The following RPS6KA2 variants were observed in gnomAD, a reference collection of about 807,000 sequenced individuals.
RPS6KA2 encodes the protein ribosomal protein S6 kinase A2, also known as ribosomal protein S6 kinase alpha-2.
RPS6KA2 carries 42 observed loss-of-function variants against 91.8 expected under a neutral mutation model. That is an observed-to-expected ratio of 0.46 (90% CI 0.36 to 0.59). RPS6KA2 has a LOEUF of 0.59. RPS6KA2 is among the 20% of genes least tolerant of loss of function. RPS6KA2 has a pLI of 0.00. For synonymous variants in RPS6KA2, 414 were observed against 393.6 expected, an observed-to-expected ratio of 1.05 and a Z score of -0.61; for missense variants, 798 against 978.5, an observed-to-expected ratio of 0.82 and a Z score of 2.46.
At chr6:166,854,583 G>T (rs955933488) in intron 2 of RPS6KA2, among the ~76,000 whole-genome samples, 3 of 152,190 alleles carry the variant, frequency 2.0e-5, no homozygotes, top group Admixed American at 2.0e-4. Context: ...TGACTTGAAT[G>T]ATTTTTTTCC....
chr6:166,819,102 C>T (rs529264093), intron 2 of RPS6KA2, among the ~76,000 whole-genome samples: 1 of 152,244 alleles, frequency 6.6e-6, no homozygotes, highest in African/African-American at 2.4e-5. Flanking sequence ...AAGCCCACAA[C>T]ATCATTTGAA....
rs1247714802 is a variant in RPS6KA2 at position 166,533,409 on chromosome 6, A to C, written c.217-2096T>G. Among the ~76,000 whole-genome samples, 2 of 152,262 alleles carry C rather than the reference A, an allele frequency of 1.3e-5. No homozygotes were observed. The highest frequency in any genetic ancestry group is 4.8e-5 in the African/African-American group (2 of 41,466). ...GGTGCCGGAGAGGCCGCACTGGCAG[A>C]GAGGAACCTGGGTCCCAAAAAAGTC... On this transcript the variant is annotated intron_variant, in intron 2 of 20. Transcript: ENST00000265678. The surrounding 1 kb of genome is among the most constrained non-coding windows in gnomAD (Gnocchi z 4.0).
intron 1 of RPS6KA2, among the ~76,000 whole-genome samples, chr6:166,616,590 A>AC (rs1196896294): frequency 1.3e-5 from 2 of 152,062 alleles, no homozygotes; most frequent in Non-Finnish European, 1.5e-5. Flanking sequence ...AACATGCAGA[A>AC]CCCCCGACCC....
At position 166,441,772 on chromosome 6, in the gene RPS6KA2, A is replaced by G. The variant is rs1779525418; in HGVS notation, c.1332+6952T>C. Among the ~76,000 whole-genome samples the G allele has an allele frequency of 2.0e-5, 3 of 152,376 alleles. No individual in the cohort carries two copies. In the East Asian group the frequency reaches 5.8e-4, roughly 29 times the overall value. On this transcript the variant is annotated intron_variant, in intron 14 of 20. Coordinates refer to ENST00000265678, the MANE Select transcript of RPS6KA2 (RefSeq NM_021135.6). ...GCTGTGATCCACAGGAGCCGGGGCT[A>G]GTGCTGCCAGTGACCTCGGAGCACA... is the stretch of plus-strand genomic sequence containing the variant.
chr6:166,647,840 ACACG>A (rs765567516), intron 2 of RPS6KA2, among the ~76,000 whole-genome samples: 18 of 116,454 alleles, frequency 1.5e-4, no homozygotes, highest in East Asian at 5.7e-4. Flanking sequence ...ACATGCTCAC[ACACG>A]CACACGCACA....
chr6:166,854,450 C>T (rs1393053672), intron 2 of RPS6KA2, among the ~76,000 whole-genome samples: 1 of 151,654 alleles, frequency 6.6e-6, no homozygotes, highest in Non-Finnish European at 1.5e-5. Flanking sequence ...ATCACAGCAC[C>T]TCCTGCGCTC....
intron 2 of RPS6KA2, chr6:166,702,753 C>T (rs1789562529): frequency 8.1e-7 from 1 of 1,232,142 alleles, no homozygotes; most frequent in Non-Finnish European, 1.2e-6. Context: ...AGGGTCCCGA[C>T]ACGGGGATCT....
At chr6:166,564,839 C>G (rs1031234628) in intron 1 of RPS6KA2, among the ~76,000 whole-genome samples, 1 of 152,192 alleles carries the variant, frequency 6.6e-6, no homozygotes, top group Admixed American at 6.5e-5. Flanking sequence ...TGAGAGTCCT[C>G]AGGAAGCATC....
chr6:166,575,431 A>G (rs1360777177), intron 1 of RPS6KA2, among the ~76,000 whole-genome samples: 2 of 152,162 alleles, frequency 1.3e-5, no homozygotes, highest in African/African-American at 2.4e-5. Context: ...ATGAAATCCA[A>G]GGTTGCTCAT....
At chr6:166,605,877 T>G (rs1165218883) in intron 1 of RPS6KA2, among the ~76,000 whole-genome samples, 3 of 152,256 alleles carry the variant, frequency 2.0e-5, no homozygotes, top group Non-Finnish European at 4.4e-5. Flanking sequence ...GGCATTACGC[T>G]GCCCAGAGGC....
chr6:166,440,604 CTT>C (rs1779488901), intron 14 of RPS6KA2, among the ~76,000 whole-genome samples: 1 of 152,202 alleles, frequency 6.6e-6, no homozygotes, highest in South Asian at 2.1e-4. Flanking sequence ...TCAAATGAAT[CTT>C]TGGCCAACAA....
chr6:166,593,585 T>A (rs1785426223), intron 1 of RPS6KA2, among the ~76,000 whole-genome samples: 1 of 152,184 alleles, frequency 6.6e-6, no homozygotes, highest in Admixed American at 6.5e-5. Context: ...AAATAATTTA[T>A]AGATTTGGTT....
rs568373883 is a variant in RPS6KA2 at position 166,532,846 on chromosome 6, T to A, written c.217-1533A>T. 6.1e-3 allele frequency among the ~76,000 whole-genome samples: 824 copies of A among 135,674 alleles called. 7 individuals carry two copies. The highest frequency in any genetic ancestry group is 0.023 in the African/African-American group (752 of 32,760). The allele number at this position is 135,674 out of a possible 152,430, so 89.0% of individuals were successfully genotyped here. ...GAGTGTGAGAGAGAGAGAGAGAGAG[T>A]GTGTGTGTGTGTGTGTGTGTCCCCA... On this transcript the variant is annotated intron_variant, in intron 2 of 20. Coordinates refer to ENST00000265678, the MANE Select transcript of RPS6KA2 (RefSeq NM_021135.6).
At chr6:166,446,072 C>T (rs1490477237) in intron 14 of RPS6KA2, among the ~76,000 whole-genome samples, 2 of 152,230 alleles carry the variant, frequency 1.3e-5, no homozygotes, top group African/African-American at 2.4e-5. Context: ...AAAACAAAAC[C>T]GCACAGTGCT....
At chr6:166,789,422 C>G (rs1779022226) in intron 2 of RPS6KA2, among the ~76,000 whole-genome samples, 1 of 152,256 alleles carries the variant, frequency 6.6e-6, no homozygotes, top group Non-Finnish European at 1.5e-5. Flanking sequence ...CCTCTGTAGG[C>G]TCCGCCTCTG....
At chr6:166,524,390 C>T (rs3778416) in intron 3 of RPS6KA2, among the ~76,000 whole-genome samples, 1,582 of 152,268 alleles carry the variant, frequency 0.01, 27 homozygotes, top group African/African-American at 0.033. Flanking sequence ...CCTACCGAGA[C>T]GAAGGAATTC....
At chr6:166,496,355 CAAT>C (rs1781784778) in intron 8 of RPS6KA2, among the ~76,000 whole-genome samples, 1 of 127,430 alleles carries the variant, frequency 7.8e-6, no homozygotes, top group Non-Finnish European at 1.7e-5. Context: ...TCTCAAAAAA[CAAT>C]AAAAAATTAA....
Position 166,551,857 on chromosome 6 carries a change from C to T in RPS6KA2, c.100-13073G>A, listed in dbSNP as rs192017398. ...AGCTGACTGCTGAAATGCAAACATG[C>T]GGTAGGCTTTGCCAATATGAGCTAC... On this transcript the variant is annotated intron_variant, in intron 1 of 20. Transcript: ENST00000265678. 9.2e-5 allele frequency among the ~76,000 whole-genome samples: 14 copies of T among 152,266 alleles called. No homozygotes were observed. In the East Asian group the frequency reaches 1.9e-3, roughly 21 times the overall value.
chr6:166,806,461 C>T (rs531454126), intron 2 of RPS6KA2, among the ~76,000 whole-genome samples: 35 of 152,216 alleles, frequency 2.3e-4, no homozygotes, highest in Non-Finnish European at 3.2e-4. Context: ...CAGAAGGCAG[C>T]GAGTTAATAT....
Sources: gnomAD v4.1 joint callset for allele counts (sites outside exome capture counted in the v4.1 genomes callset) on GRCh38, gnomAD v4.1.1 for gene constraint, Gnocchi (gnomAD v3.1) non-coding constraint, MANE v1.5 for transcripts, NCBI Gene and HGNC (gene_info 2026-07-23, HGNC 2026-07-21) for gene names.